The following NLK variants were observed in gnomAD, a reference collection of about 807,000 sequenced individuals.
The protein encoded by NLK is serine/threonine-protein kinase NLK.
In NLK, 11 loss-of-function variants were observed where a neutral mutation model predicts 59.0. The observed-to-expected ratio is 0.19, with a 90% CI of 0.12 to 0.31. The LOEUF is 0.31. Ranked by LOEUF, NLK falls within the 10% of genes least tolerant of loss-of-function variation. NLK has a pLI of 1.00. For synonymous variants in NLK, 235 were observed against 235.9 expected (o/e 1.00, Z 0.03); for missense variants, 410 against 661.1 (o/e 0.62, Z 4.16).
intron 1 of NLK, among the ~76,000 whole-genome samples, chr17:28,049,320 A>G (rs1157973578): frequency 5.3e-5 from 8 of 152,226 alleles, no homozygotes; most frequent in African/African-American, 1.7e-4. Context: ...ACCTAAACCC[A>G]GTTTTGAAAT....
chr17:28,063,221 G>A (rs1324582034), intron 1 of NLK, among the ~76,000 whole-genome samples: 7 of 152,150 alleles, frequency 4.6e-5, no homozygotes, highest in Non-Finnish European at 8.8e-5. Context: ...CATAAGCCAT[G>A]GCGACTGGCA....
At chr17:28,200,294 CT>C (rs1909596085), downstream of NLK, among the ~76,000 whole-genome samples, 2 of 152,128 alleles carry the variant, frequency 1.3e-5, no homozygotes, top group Middle Eastern at 3.4e-3. Flanking sequence ...TTTTACATTT[CT>C]TTTAGATATA....
At chr17:28,160,930 T>C (rs553922522) in intron 3 of NLK, among the ~76,000 whole-genome samples, 3 of 152,366 alleles carry the variant, frequency 2.0e-5, no homozygotes, top group African/African-American at 7.2e-5. Context: ...ATGCTGATTA[T>C]AAGGAAATCA....
At chr17:28,094,813 T>A (rs1447461303) in intron 1 of NLK, among the ~76,000 whole-genome samples, 2 of 152,208 alleles carry the variant, frequency 1.3e-5, no homozygotes, top group Non-Finnish European at 2.9e-5. Flanking sequence ...GGCTTCAAGA[T>A]GGATAGAGTA....
chr17:28,156,435 A>G (rs1210408685), intron 3 of NLK, among the ~76,000 whole-genome samples: 1 of 152,170 alleles, frequency 6.6e-6, no homozygotes, highest in African/African-American at 2.4e-5. Flanking sequence ...CTGTTGTCTG[A>G]TTGCCTCAAG....
At chr17:28,056,473 A>T (rs1042965496) in intron 1 of NLK, among the ~76,000 whole-genome samples, 4 of 152,218 alleles carry the variant, frequency 2.6e-5, no homozygotes, top group African/African-American at 9.6e-5. Context: ...TTGAAAATGG[A>T]GGAAGTGTTC....
Position 28,042,850 on chromosome 17 carries a change from C to G in NLK, c.-24C>G. 1 of 1,469,348 alleles carries G rather than the reference C, an allele frequency of 6.8e-7. No individual in the cohort carries two copies. The highest frequency in any genetic ancestry group is 9.1e-7 in the Non-Finnish European group (1 of 1,103,720). The allele number at this position is 1,469,348 out of a possible 1,614,324, so 91.0% of individuals were successfully genotyped here. A position where few individuals can be genotyped will look rare whatever the true frequency, so the allele number is the denominator to read the frequency against. Reference sequence around the variant, plus strand: ...ATGACAGCTTGACCCAGTTTGCTTTCCAATCAAAGGGCATTTATTTTGAAT... The same window carrying G: ...ATGACAGCTTGACCCAGTTTGCTTTGCAATCAAAGGGCATTTATTTTGAAT... On this transcript the variant is annotated 5_prime_UTR_variant, in exon 1 of 11. Transcript: ENST00000407008.
At chr17:28,200,569 C>T (rs537941211), downstream of NLK, among the ~76,000 whole-genome samples, 6 of 152,306 alleles carry the variant, frequency 3.9e-5, no homozygotes, top group South Asian at 2.1e-4. Context: ...CTGCAACCTT[C>T]GCATCCCTGG....
At chr17:28,201,846 T>A in the NLK span, among the ~76,000 whole-genome samples, 1 of 151,980 alleles carries the variant, frequency 6.6e-6, no homozygotes, top group Non-Finnish European at 1.5e-5. Flanking sequence ...CGAAACCCTA[T>A]CTCTACTAAA....
intron 3 of NLK, among the ~76,000 whole-genome samples, chr17:28,157,861 C>A (rs1907841957): frequency 6.6e-6 from 1 of 151,418 alleles, no homozygotes. Flanking sequence ...ATTTAAAATA[C>A]TTAGTAGAGT....
intron 1 of NLK, among the ~76,000 whole-genome samples, chr17:28,086,226 G>T (rs1490337961): frequency 6.6e-6 from 1 of 152,108 alleles, no homozygotes; most frequent in Non-Finnish European, 1.5e-5. Flanking sequence ...GTTACCAACT[G>T]TCACCCAGTT....
At chr17:28,186,223 A>T (rs1019485392) in intron 8 of NLK, among the ~76,000 whole-genome samples, 1 of 152,232 alleles carries the variant, frequency 6.6e-6, no homozygotes, top group Non-Finnish European at 1.5e-5. Context: ...GAAAGCTGCA[A>T]CTTTCTCAGA....
At chr17:28,054,976 G>T (rs960532555) in intron 1 of NLK, among the ~76,000 whole-genome samples, 1 of 152,030 alleles carries the variant, frequency 6.6e-6, no homozygotes, top group Non-Finnish European at 1.5e-5. Context: ...TCCTAGCTCT[G>T]CCCCTCATTA....
chr17:28,082,178 C>T (rs1910370317), intron 1 of NLK, among the ~76,000 whole-genome samples: 1 of 152,238 alleles, frequency 6.6e-6, no homozygotes, highest in Admixed American at 6.5e-5. Flanking sequence ...GCTGGGATTA[C>T]AGGCATGAGC....
At position 28,132,632 on chromosome 17, in the gene NLK, C is replaced by T. The variant is rs1175668212; in HGVS notation, c.601C>T (p.Leu201Phe). The T allele has an allele frequency of 6.2e-7, 1 of 1,610,100 alleles. No individual in the cohort carries two copies. Among genetic ancestry groups the T allele is most frequent in the South Asian group, 1.1e-5 (1 of 90,118 alleles). Residue 201 changes from leucine (L) to phenylalanine (F), a missense_variant, in exon 3 of 11, where the codon CTT becomes TTT. Leu to Phe is a conservative substitution (Grantham distance 22, BLOSUM62 0). Around this residue, in one of 5 missense-constraint regions of NLK, gnomAD observed 73 missense variants for 197.2 expected, o/e 0.37. Transcript: ENST00000407008. The stretch of plus-strand genomic sequence containing the variant: ...TTCCTTTTCTCAGGTACTCTCTGCC[C>T]TTGACATACTCCAACCTCCACACAT... The part of the protein sequence containing the change: ...FFKHDNVLSA[L>F]DILQPPHIDY...
At chr17:28,121,750 C>T (rs1410168800) in intron 1 of NLK, among the ~76,000 whole-genome samples, 1 of 151,852 alleles carries the variant, frequency 6.6e-6, no homozygotes, top group Non-Finnish European at 1.5e-5. Flanking sequence ...CCAGTCACCT[C>T]GGCCTCCCAA....
chr17:28,170,891 C>G (rs993749580), intron 6 of NLK, among the ~76,000 whole-genome samples: 1 of 152,264 alleles, frequency 6.6e-6, no homozygotes, highest in East Asian at 1.9e-4. Context: ...GAATTCATGT[C>G]TGTCTAATTG....
At chr17:28,095,670 T>C (rs1904676564) in intron 1 of NLK, among the ~76,000 whole-genome samples, 1 of 152,218 alleles carries the variant, frequency 6.6e-6, no homozygotes, top group Admixed American at 6.5e-5. Context: ...TTTGAAATGA[T>C]TATTCCATTA....
In NLK at chr17:28,158,700, G is replaced by T. The variant is rs549942595; in HGVS notation, c.645-2460G>T. ...GCTGGATTGCAGTGGTGCAATCATG[G>T]CTCACTGCAACCTTGACCTCCCAGG... On this transcript the variant is annotated intron_variant, in intron 3 of 10. Coordinates refer to ENST00000407008, the MANE Select transcript of NLK (RefSeq NM_016231.5). Among the ~76,000 whole-genome samples the T allele has an allele frequency of 3.4e-3, 515 of 152,002 alleles. 6 individuals carry two copies. Among genetic ancestry groups the T allele is most frequent in the African/African-American group, 0.012 (495 of 41,454 alleles).
Sources: allele counts gnomAD v4.1 joint callset (sites outside exome capture counted in the v4.1 genomes callset), GRCh38; gene constraint gnomAD v4.1.1; regional missense constraint gnomAD v4.1.1; transcripts MANE v1.5; gene names NCBI Gene and HGNC (gene_info 2026-07-23, HGNC 2026-07-21).